PDE1C: variants seen among roughly 807,000 people sequenced by gnomAD.
PDE1C encodes phosphodiesterase 1C, also known as dual specificity calcium/calmodulin-dependent 3',5'-cyclic nucleotide phosphodiesterase 1C.
PDE1C carries 62 observed loss-of-function variants against 93.1 expected under a neutral mutation model. The ratio of observed to expected loss-of-function variants is 0.67; its 90% CI spans 0.54 to 0.82. The LOEUF (loss-of-function observed/expected upper bound fraction) is 0.82, where lower values mean the gene tolerates loss of function less well. Among genes scored for constraint, PDE1C ranks in the 40% least tolerant of loss-of-function variants. The probability of loss-of-function intolerance (pLI) is 0.00; values close to 1 mark genes in which losing one functional copy is unlikely to be tolerated. For synonymous variants in PDE1C, 325 were observed against 310.1 expected (o/e 1.05, Z -0.50); for missense variants, 742 against 884.6 (o/e 0.84, Z 2.04).
intron 15 of PDE1C, among the ~76,000 whole-genome samples, chr7:31,810,355 C>T (rs1787397031): frequency 6.6e-6 from 1 of 152,036 alleles, no homozygotes; most frequent in Non-Finnish European, 1.5e-5. Context: ...GTGAGCTGGG[C>T]CTCCAGGGAA....
chr7:32,086,765 G>T (rs11983608), intron 3 of PDE1C, among the ~76,000 whole-genome samples: 95,155 of 152,024 alleles, frequency 0.63, 30,157 homozygotes, highest in African/African-American at 0.71. Flanking sequence ...AAGGATTCCC[G>T]ATTTAATAAA....
chr7:32,047,311 G>A (rs553445698), intron 2 of PDE1C, among the ~76,000 whole-genome samples: 13 of 152,218 alleles, frequency 8.5e-5, no homozygotes, highest in East Asian at 7.7e-4. Context: ...CTCTCTAGCC[G>A]TCAAATTACC....
intron 1 of PDE1C, among the ~76,000 whole-genome samples, chr7:32,273,021 A>G (rs1394450518): frequency 6.6e-6 from 1 of 152,220 alleles, no homozygotes; most frequent in Non-Finnish European, 1.5e-5. Context: ...ATCAACCTCT[A>G]TAGCACTGGC....
rs374294422 is a variant in PDE1C at position 31,864,925 on chromosome 7, T to C, written c.750+17A>G. The C allele has an allele frequency of 5.6e-6, 9 of 1,611,022 alleles. No individual in the cohort carries two copies. Among genetic ancestry groups the C allele is most frequent in the Non-Finnish European group, 7.6e-6 (9 of 1,177,750 alleles). The stretch of plus-strand genomic sequence containing the variant: ...TTACATCTTTTGGGGAACCTAAGAG[T>C]TCCTATCCCTACTTACCGCCACTCC... On this transcript the variant is annotated intron_variant, in intron 7 of 17. Transcript: ENST00000396191.
At chr7:32,347,115 G>A (rs371783092) in intron 1 of PDE1C, among the ~76,000 whole-genome samples, 20 of 152,258 alleles carry the variant, frequency 1.3e-4, no homozygotes, top group Admixed American at 5.2e-4. Flanking sequence ...AAAAGAATCC[G>A]TCTCACCTCT....
At chr7:31,646,695 A>G in the PDE1C span, among the ~76,000 whole-genome samples, 1 of 152,060 alleles carries the variant, frequency 6.6e-6, no homozygotes, top group Non-Finnish European at 1.5e-5. Context: ...ACTTTGTCAT[A>G]TCAGCACTCC....
At chr7:31,961,447 A>T (rs1055460242) in intron 2 of PDE1C, among the ~76,000 whole-genome samples, 1 of 152,136 alleles carries the variant, frequency 6.6e-6, no homozygotes, top group Non-Finnish European at 1.5e-5. Flanking sequence ...TGCATATTTC[A>T]TATTTATTTT....
upstream of PDE1C, chr7:32,070,575 A>C: frequency 7.0e-7 from 1 of 1,436,338 alleles, no homozygotes. Context: ...ATCGCGGCAA[A>C]CCATGGCCCC....
the PDE1C span, among the ~76,000 whole-genome samples, chr7:31,626,428 C>G: frequency 3.2e-3 from 490 of 152,248 alleles, 2 homozygotes; most frequent in African/African-American, 0.01. Flanking sequence ...CATAATTAAT[C>G]TGGTACTATT....
At chr7:31,926,639 C>T (rs575027033) in intron 2 of PDE1C, among the ~76,000 whole-genome samples, 2 of 152,124 alleles carry the variant, frequency 1.3e-5, no homozygotes, top group Non-Finnish European at 2.9e-5. Context: ...CCATAGTGGG[C>T]CAGCAGAAGC....
intron 3 of PDE1C, among the ~76,000 whole-genome samples, chr7:32,166,051 CA>C (rs34514936): frequency 0.43 from 61,868 of 142,540 alleles, 13,004 homozygotes; most frequent in South Asian, 0.6. Flanking sequence ...GTTTTGCCAC[CA>C]AAAAAAAAAA....
the PDE1C span, among the ~76,000 whole-genome samples, chr7:31,681,222 C>CTTGG: frequency 6.6e-6 from 1 of 151,278 alleles, no homozygotes; most frequent in Non-Finnish European, 1.5e-5. Context: ...TGTGGCTGTA[C>CTTGG]TTGGCCATCT....
intron 17 of PDE1C, among the ~76,000 whole-genome samples, chr7:31,766,026 G>T (rs1795121419): frequency 6.6e-6 from 1 of 151,104 alleles, no homozygotes; most frequent in African/African-American, 2.5e-5. Context: ...AGGATTCAAT[G>T]ACATAATACA....
chr7:31,731,061 G>A, the PDE1C span, among the ~76,000 whole-genome samples: 2 of 151,938 alleles, frequency 1.3e-5, no homozygotes, highest in African/African-American at 4.8e-5. Context: ...CTACGTGCAG[G>A]GGGAAGTGAC....
the PDE1C span, among the ~76,000 whole-genome samples, chr7:31,744,559 A>AT: frequency 9.2e-5 from 14 of 151,918 alleles, no homozygotes; most frequent in Non-Finnish European, 1.2e-4. Flanking sequence ...AACCAGTATA[A>AT]TTTTTTGCGT....
the PDE1C span, chr7:31,643,930 A>G: frequency 6.2e-7 from 1 of 1,612,522 alleles, no homozygotes; most frequent in Non-Finnish European, 8.5e-7. Flanking sequence ...CCTTCAGGAC[A>G]CTACAGTGAG....
chr7:31,619,721 GT>G, the PDE1C span, among the ~76,000 whole-genome samples: 19 of 152,108 alleles, frequency 1.2e-4, no homozygotes, highest in African/African-American at 2.4e-5. Context: ...TGAGGTACCA[GT>G]TCCATCTCAC....
intron 1 of PDE1C, among the ~76,000 whole-genome samples, chr7:32,316,827 T>G (rs1296526974): frequency 6.6e-6 from 1 of 152,246 alleles, no homozygotes; most frequent in Non-Finnish European, 1.5e-5. Flanking sequence ...CAAAAGGTAC[T>G]TTTTTCATTG....
chr7:31,912,743 G>C (rs1801407969), intron 2 of PDE1C, among the ~76,000 whole-genome samples: 2 of 152,064 alleles, frequency 1.3e-5, no homozygotes, highest in Admixed American at 6.6e-5. Flanking sequence ...TGGGGAATTA[G>C]TTCCCTGTAA....
Sources: gnomAD v4.1 joint callset for allele counts (sites outside exome capture counted in the v4.1 genomes callset) on GRCh38, gnomAD v4.1.1 for gene constraint, MANE v1.5 for transcripts, NCBI Gene and HGNC (gene_info 2026-07-23, HGNC 2026-07-21) for gene names.